Variants in MALRD1 observed in about 807,000 individuals in gnomAD.
MALRD1 encodes the protein MAM and LDL receptor class A domain containing 1.
Under a neutral mutation model 242.1 loss-of-function variants are expected in MALRD1, and 247 were observed. That is an observed-to-expected ratio of 1.02 (90% confidence interval 0.92 to 1.13). MALRD1 has a LOEUF of 1.13. Among genes scored for constraint, MALRD1 ranks in the 50% most tolerant of loss-of-function variants. The pLI, the probability that MALRD1 is intolerant of heterozygous loss-of-function variation, is 0.00. For synonymous variants in MALRD1, 995 were observed against 866.6 expected, an observed-to-expected ratio of 1.15 and a Z score of -2.60; for missense variants, 2,989 against 2,533.1, an observed-to-expected ratio of 1.18 and a Z score of -3.86.
intron 21 of MALRD1, chr10:19,291,559 T>C (rs1252996024): frequency 1.3e-5 from 2 of 150,906 alleles, no homozygotes; most frequent in Non-Finnish European, 3.0e-5. Flanking sequence ...GAAAAAAAAA[T>C]TCATGGAATG....
chr10:19,331,663 A>C, intron 24 of MALRD1, 81 bp downstream of exon 24: 2 of 1,157,954 alleles, frequency 1.7e-6, no homozygotes, highest in Non-Finnish European at 2.5e-6. Context: ...TTGTTGAAAC[A>C]TGCAGAGTGT....
chr10:19,152,333 G>C (rs1387125086), intron 11 of MALRD1, among the ~76,000 whole-genome samples: 1 of 152,094 alleles, frequency 6.6e-6, no homozygotes, highest in Non-Finnish European at 1.5e-5. Flanking sequence ...CCCCTTACCT[G>C]CACATATTAA....
At chr10:19,127,379 G>A (rs1837315810) in intron 7 of MALRD1, among the ~76,000 whole-genome samples, 1 of 152,102 alleles carries the variant, frequency 6.6e-6, no homozygotes, top group South Asian at 2.1e-4. Context: ...ATGCAGTTAA[G>A]GATCATATTA....
chr10:19,113,622 T>C (rs142894207), intron 5 of MALRD1, among the ~76,000 whole-genome samples: 2 of 151,984 alleles, frequency 1.3e-5, no homozygotes, highest in Non-Finnish European at 2.9e-5. Context: ...CCCTTCTGCC[T>C]TCTTTGTTCC....
chr10:19,288,565 G>A (rs1044301468), intron 21 of MALRD1, among the ~76,000 whole-genome samples: 25 of 151,694 alleles, frequency 1.6e-4, no homozygotes, highest in African/African-American at 6.1e-4. Context: ...TTTAAGTAGG[G>A]ATTTTCTGAC....
chr10:19,706,149 G>A (rs911050423), intron 38 of MALRD1, among the ~76,000 whole-genome samples: 7 of 152,136 alleles, frequency 4.6e-5, no homozygotes, highest in Admixed American at 2.0e-4. Flanking sequence ...TGCGGAAAGG[G>A]AGTTCAAGAA....
Position 19,371,444 on chromosome 10 carries a change from C to T in MALRD1, c.4442-16084C>T, listed in dbSNP as rs527341107. On this transcript the variant is annotated intron_variant, in intron 26 of 39. Transcript: ENST00000454679. ...TGAACATGACATTTTGTCAAATCAC[C>T]TTTTGAATCTATACAGAAAATTATG... is the stretch of plus-strand genomic sequence containing the variant. Among the ~76,000 whole-genome samples the T allele has an allele frequency of 2.0e-5, 3 of 151,864 alleles. No homozygotes were observed. In the South Asian group the frequency reaches 6.2e-4, roughly 32 times the overall value.
intron 1 of MALRD1, among the ~76,000 whole-genome samples, chr10:19,058,916 C>T (rs1333955098): frequency 3.9e-5 from 6 of 152,116 alleles, no homozygotes; most frequent in African/African-American, 9.7e-5. Flanking sequence ...GAATTATAAA[C>T]TCTACCTTTC....
intron 33 of MALRD1, among the ~76,000 whole-genome samples, chr10:19,573,680 C>G (rs766737908): frequency 3.3e-5 from 5 of 152,076 alleles, no homozygotes; most frequent in Non-Finnish European, 7.3e-5. Flanking sequence ...TAGGAATATG[C>G]CTTTCCTAAG....
At position 19,190,756 on chromosome 10, in the gene MALRD1, C is replaced by T. The variant is rs1356221898; in HGVS notation, c.1952-12972C>T. Among the ~76,000 whole-genome samples the T allele has an allele frequency of 6.0e-5, 9 of 151,044 alleles. No individual in the cohort carries two copies. In the South Asian group the frequency reaches 6.3e-4, roughly 11 times the overall value. On this transcript the variant is annotated intron_variant, in intron 14 of 39. Coordinates refer to ENST00000454679, the MANE Select transcript of MALRD1 (RefSeq NM_001142308.3). ...GCTGGGAAAACTAGATATCAACTTGCGAAAGTATGAAGTTGGACCCTTACC... is the reference window on the plus strand; with the variant it reads ...GCTGGGAAAACTAGATATCAACTTGTGAAAGTATGAAGTTGGACCCTTACC...
At chr10:19,170,684 G>T (rs1485508020) in intron 13 of MALRD1, among the ~76,000 whole-genome samples, 2 of 152,106 alleles carry the variant, frequency 1.3e-5, no homozygotes, top group Non-Finnish European at 2.9e-5. Context: ...CTAAAGCCCA[G>T]TTATCTCTTT....
intron 28 of MALRD1, among the ~76,000 whole-genome samples, chr10:19,447,069 G>GACACACACAC (rs374350237): frequency 3.1e-4 from 44 of 141,898 alleles, no homozygotes; most frequent in Admixed American, 1.8e-3. Flanking sequence ...CACATACACA[G>GACACACACAC]ACACACACAC....
chr10:19,610,132 T>C (rs1241372543), intron 35 of MALRD1, among the ~76,000 whole-genome samples: 1 of 151,968 alleles, frequency 6.6e-6, no homozygotes, highest in Non-Finnish European at 1.5e-5. Context: ...TGAGGTACAA[T>C]TTGACATTTC....
chr10:19,611,659 C>G (rs1838902952), intron 35 of MALRD1, among the ~76,000 whole-genome samples: 1 of 151,960 alleles, frequency 6.6e-6, no homozygotes, highest in Non-Finnish European at 1.5e-5. Flanking sequence ...CTACTTATCT[C>G]CTGGAAATAC....
chr10:19,467,714 G>GT (rs1055509201), intron 29 of MALRD1, among the ~76,000 whole-genome samples: 21 of 149,426 alleles, frequency 1.4e-4, no homozygotes, highest in African/African-American at 5.2e-4. Flanking sequence ...GTCTAACAAC[G>GT]TTTTTTCCCT....
At chr10:19,388,061 C>G (rs1327578008) in intron 27 of MALRD1, among the ~76,000 whole-genome samples, 1 of 152,132 alleles carries the variant, frequency 6.6e-6, no homozygotes, top group East Asian at 1.9e-4. Context: ...AGCATGATCT[C>G]TTCCATGTCC....
intron 12 of MALRD1, among the ~76,000 whole-genome samples, chr10:19,163,137 T>TAAAAAAAAAAAAAAAAAAAAAAAAA (rs58034381): frequency 2.3e-5 from 1 of 43,836 alleles, no homozygotes; most frequent in African/African-American, 8.3e-5. Context: ...AAACCCTGTC[T>TAAAAAAAAAAAAAAAAAAAAAAAAA]AAAAAAAAAA....
chr10:19,419,253 C>T (rs1294897263), intron 28 of MALRD1, among the ~76,000 whole-genome samples: 1 of 151,274 alleles, frequency 6.6e-6, no homozygotes, highest in Non-Finnish European at 1.5e-5. Context: ...TCTCCTTCTC[C>T]TCCTTCTTCT....
intron 18 of MALRD1, among the ~76,000 whole-genome samples, chr10:19,255,906 T>G (rs1355357094): frequency 6.6e-6 from 1 of 152,066 alleles, no homozygotes; most frequent in South Asian, 2.1e-4. Flanking sequence ...TTACAGAATT[T>G]TGTCTTAAAT....
Sources: gnomAD v4.1 joint callset for allele counts (sites outside exome capture counted in the v4.1 genomes callset) on GRCh38, gnomAD v4.1.1 for gene constraint, MANE v1.5 for transcripts, NCBI Gene and HGNC (gene_info 2026-07-23, HGNC 2026-07-21) for gene names.